Variants in CA10 observed in about 807,000 individuals in gnomAD.
CA10 encodes the protein carbonic anhydrase 10 (inactive).
A neutral mutation model predicts 44.2 loss-of-function variants in CA10; 14 were observed. The observed-to-expected ratio is 0.32, with a 90% CI of 0.21 to 0.50. The LOEUF (loss-of-function observed/expected upper bound fraction) is 0.50, where lower values mean the gene tolerates loss of function less well. Ranked by LOEUF, CA10 falls within the 20% of genes least tolerant of loss-of-function variation. The probability of loss-of-function intolerance (pLI) is 0.99; values close to 1 mark genes in which losing one functional copy is unlikely to be tolerated. For missense variants in CA10, 350 were observed against 409.7 expected, an observed-to-expected ratio of 0.85 and a Z score of 1.26; for synonymous variants, 159 against 141.6, an observed-to-expected ratio of 1.12 and a Z score of -0.87.
intron 2 of CA10, among the ~76,000 whole-genome samples, chr17:51,982,995 T>C (rs1373863603): frequency 1.3e-5 from 2 of 151,912 alleles, no homozygotes; most frequent in East Asian, 1.9e-4. Flanking sequence ...TTTTAGATTA[T>C]TTTTTCTCGA....
rs540653487 is a variant in CA10, at chr17:52,119,239, AGTATTCATGACTTATGGC to A, written c.61+38469_61+38486del. Among the ~76,000 whole-genome samples, 676 of 152,352 alleles carry A rather than the reference AGTATTCATGACTTATGGC, an allele frequency of 4.4e-3. 1 individual carries two copies. The highest frequency in any genetic ancestry group is 6.7e-3 in the Non-Finnish European group (459 of 68,026). ...GTCATGAGTATTCATGACTTATGGC[AGTATTCATGACTTATGGC>A]AAAGTAGTTATTTGTGTCAGTGCAA... On this transcript the variant is annotated intron_variant, in intron 1 of 8. Coordinates refer to ENST00000451037, the MANE Select transcript of CA10 (RefSeq NM_020178.5).
intron 3 of CA10, among the ~76,000 whole-genome samples, chr17:51,900,694 C>A (rs62063231): frequency 0.13 from 20,233 of 152,120 alleles, 1,603 homozygotes; most frequent in South Asian, 0.27. Context: ...TTACGTAATT[C>A]TATATCCCTT....
chr17:51,753,269 G>A (rs1275498824), intron 3 of CA10, among the ~76,000 whole-genome samples: 1 of 152,186 alleles, frequency 6.6e-6, no homozygotes, highest in African/African-American at 2.4e-5. Flanking sequence ...TTGATAACTT[G>A]AGACCATCTA....
At chr17:51,905,853 C>T (rs2143940403) in intron 3 of CA10, among the ~76,000 whole-genome samples, 1 of 152,178 alleles carries the variant, frequency 6.6e-6, no homozygotes, top group African/African-American at 2.4e-5. Context: ...GACCTTGATT[C>T]TCATTTGAGA....
At chr17:52,136,670 G>A (rs1281728764) in intron 1 of CA10, among the ~76,000 whole-genome samples, 1 of 152,132 alleles carries the variant, frequency 6.6e-6, no homozygotes, top group African/African-American at 2.4e-5. Context: ...TAGGGTCCTG[G>A]AGAGTTCCCT....
intron 3 of CA10, among the ~76,000 whole-genome samples, chr17:51,914,157 T>C (rs1981897407): frequency 6.6e-6 from 1 of 152,138 alleles, no homozygotes; most frequent in African/African-American, 2.4e-5. Context: ...GTTTCCAAAG[T>C]GCAATCATGC....
intron 3 of CA10, among the ~76,000 whole-genome samples, chr17:51,865,372 A>G (rs146699732): frequency 9.2e-5 from 14 of 152,334 alleles, no homozygotes; most frequent in African/African-American, 2.9e-4. Flanking sequence ...TAGGTGTTCA[A>G]TAAAAATGTG....
intron 4 of CA10, among the ~76,000 whole-genome samples, chr17:51,747,308 T>C (rs1044077725): frequency 6.6e-6 from 1 of 152,184 alleles, no homozygotes; most frequent in African/African-American, 2.4e-5. Context: ...TAGGTGTAAG[T>C]AAAGATGTAT....
At chr17:51,782,052 C>T (rs1906084483) in intron 3 of CA10, among the ~76,000 whole-genome samples, 1 of 152,204 alleles carries the variant, frequency 6.6e-6, no homozygotes, top group Non-Finnish European at 1.5e-5. Flanking sequence ...ATTCCATGTA[C>T]ATTAGTCTCT....
At chr17:51,641,263 AT>A (rs1453436486) in intron 6 of CA10, among the ~76,000 whole-genome samples, 1 of 152,074 alleles carries the variant, frequency 6.6e-6, no homozygotes, top group Non-Finnish European at 1.5e-5. Flanking sequence ...AAGAGTCTTA[AT>A]TCAAGTCTGA....
intron 3 of CA10, among the ~76,000 whole-genome samples, chr17:51,913,953 G>A (rs768855898): frequency 1.2e-4 from 18 of 152,116 alleles, no homozygotes; most frequent in Non-Finnish European, 2.2e-4. Context: ...GGCAGCCTGA[G>A]AAATGAATGG....
chr17:51,970,387 AT>A (rs5820893), intron 2 of CA10, among the ~76,000 whole-genome samples: 131,166 of 151,888 alleles, frequency 0.86, 56,650 homozygotes, highest in East Asian at 0.95. Flanking sequence ...TAGTTTTATT[AT>A]TTTTTTGTTC....
At position 51,636,949 on chromosome 17, in the gene CA10, G is replaced by GA. The variant is rs549055323; in HGVS notation, c.635-941dup. ...ACATAAGTACATCACAGACTATATGGAAAAAAGAAAAAACAATTTCAGTCA... is the reference window on the plus strand; with the variant it reads ...ACATAAGTACATCACAGACTATATGGAAAAAAAGAAAAAACAATTTCAGTCA... On this transcript the variant is annotated intron_variant, in intron 6 of 8. Coordinates refer to ENST00000451037, the MANE Select transcript of CA10 (RefSeq NM_020178.5). Among the ~76,000 whole-genome samples the GA allele has an allele frequency of 1.3e-4, 19 of 151,710 alleles. No homozygotes were observed. The South Asian group carries it at 3.8e-3, about 30-fold the overall frequency.
intron 3 of CA10, among the ~76,000 whole-genome samples, chr17:51,916,146 T>C (rs553648342): frequency 8.7e-4 from 122 of 139,958 alleles, no homozygotes; most frequent in African/African-American, 3.1e-3. Context: ...CTGGAAACAG[T>C]GTCATTGGCC....
At chr17:51,984,692 C>T (rs1984768893) in intron 2 of CA10, among the ~76,000 whole-genome samples, 1 of 151,856 alleles carries the variant, frequency 6.6e-6, no homozygotes, top group African/African-American at 2.4e-5. Flanking sequence ...ACAACTGACA[C>T]CACTGAAATA....
Position 52,013,241 on chromosome 17 carries a change from A to G in CA10, c.136+59078T>C, listed in dbSNP as rs1267886659. 3.3e-5 allele frequency among the ~76,000 whole-genome samples: 5 copies of G among 152,138 alleles called. No individual in the cohort carries two copies. The South Asian group carries it at 1.0e-3, about 31-fold the overall frequency. ...ATAAATCAATGTAGGAGTAGTCAGA[A>G]GCTAAAATTAAATTGATAATGTATG... On this transcript the variant is annotated intron_variant, in intron 2 of 8. Coordinates refer to ENST00000451037, the MANE Select transcript of CA10 (RefSeq NM_020178.5).
intron 2 of CA10, among the ~76,000 whole-genome samples, chr17:51,935,770 T>C (rs1435773737): frequency 6.6e-6 from 1 of 152,150 alleles, no homozygotes; most frequent in Non-Finnish European, 1.5e-5. Flanking sequence ...AGCTGCTTGT[T>C]CAGACCCATG....
intron 3 of CA10, among the ~76,000 whole-genome samples, chr17:51,811,177 C>G (rs1476700262): frequency 7.3e-6 from 1 of 137,276 alleles, no homozygotes; most frequent in East Asian, 2.1e-4. Context: ...GCCTGGATGA[C>G]AGACTCCATC....
intron 2 of CA10, among the ~76,000 whole-genome samples, chr17:51,987,912 G>T (rs1426277108): frequency 6.6e-6 from 1 of 151,870 alleles, no homozygotes; most frequent in Non-Finnish European, 1.5e-5. Context: ...AGAAACTCAG[G>T]TCTATATAAG....
Sources: gnomAD v4.1 joint callset for allele counts (sites outside exome capture counted in the v4.1 genomes callset) on GRCh38, gnomAD v4.1.1 for gene constraint, MANE v1.5 for transcripts, NCBI Gene and HGNC (gene_info 2026-07-23, HGNC 2026-07-21) for gene names.